The following RAP1GAP2 variants were observed in gnomAD, a reference collection of about 807,000 sequenced individuals.
The protein encoded by RAP1GAP2 is RAP1 GTPase activating protein 2.
RAP1GAP2 carries 27 observed loss-of-function variants against 95.0 expected under a neutral mutation model. The ratio of observed to expected loss-of-function variants is 0.28; its 90% CI spans 0.21 to 0.39. RAP1GAP2 has a LOEUF of 0.39. Among genes scored for constraint, RAP1GAP2 ranks in the 10% least tolerant of loss-of-function variants. The probability of loss-of-function intolerance (pLI) is 1.00; values close to 1 mark genes in which losing one functional copy is unlikely to be tolerated. For synonymous variants in RAP1GAP2, 373 were observed against 380.9 expected (o/e 0.98, Z 0.24); for missense variants, 771 against 970.0 (o/e 0.79, Z 2.72).
At chr17:2,911,260 A>ATTTTTTTTTTTTTT (rs34227127) in intron 3 of RAP1GAP2, among the ~76,000 whole-genome samples, 4,495 of 131,052 alleles carry the variant, frequency 0.034, 381 homozygotes, top group African/African-American at 0.13. Context: ...TTTGAAGGGG[A>ATTTTTTTTTTTTTT]TTTTTTTTTT....
chr17:2,793,790 C>T (rs918002416), upstream of RAP1GAP2, among the ~76,000 whole-genome samples: 3 of 152,186 alleles, frequency 2.0e-5, no homozygotes, highest in African/African-American at 7.2e-5. Context: ...TCCTGGAGCT[C>T]AGATGATGCC....
At chr17:2,863,646 G>A (rs1465903482) in intron 2 of RAP1GAP2, among the ~76,000 whole-genome samples, 1 of 152,202 alleles carries the variant, frequency 6.6e-6, no homozygotes, top group African/African-American at 2.4e-5. Flanking sequence ...GCACTGTGAT[G>A]ATACCTGTTG....
In RAP1GAP2 at chr17:2,920,587, C is replaced by T. The variant is rs1166407482; in HGVS notation, c.165+15219C>T. Among the ~76,000 whole-genome samples the T allele has an allele frequency of 2.0e-5, 3 of 152,216 alleles. No individual in the cohort carries two copies. The East Asian group carries it at 5.8e-4, about 29-fold the overall frequency. ...GTGCAGTTCAGTCATCTTCTGTGGA[C>T]CTCGGTTTCCTCATTTATAGAACGG... On this transcript the variant is annotated intron_variant, in intron 3 of 24. Transcript: ENST00000254695.
intron 4 of RAP1GAP2, among the ~76,000 whole-genome samples, chr17:2,959,997 C>A (rs886892583): frequency 6.6e-6 from 1 of 151,634 alleles, no homozygotes; most frequent in Non-Finnish European, 1.5e-5. Context: ...TGGTGGCACA[C>A]GCCTGTAATC....
chr17:2,994,984 T>C (rs1299523927), intron 12 of RAP1GAP2, among the ~76,000 whole-genome samples: 3 of 152,192 alleles, frequency 2.0e-5, no homozygotes, highest in Admixed American at 2.0e-4. Context: ...TGGCTAACTT[T>C]TGTATTTTTA....
chr17:2,791,735 G>A (rs1178314376), upstream of RAP1GAP2, among the ~76,000 whole-genome samples: 3 of 152,124 alleles, frequency 2.0e-5, no homozygotes, highest in East Asian at 3.9e-4. Context: ...TCTTGTGCCC[G>A]CAGCTCATCC....
At chr17:2,985,859 T>TA (rs2045541108) in intron 11 of RAP1GAP2, among the ~76,000 whole-genome samples, 1 of 152,220 alleles carries the variant, frequency 6.6e-6, no homozygotes, top group Non-Finnish European at 1.5e-5. Flanking sequence ...TTTCCATACT[T>TA]ACGGACACAA....
At chr17:2,864,867 C>T (rs1309262043) in intron 2 of RAP1GAP2, among the ~76,000 whole-genome samples, 7 of 152,268 alleles carry the variant, frequency 4.6e-5, no homozygotes, top group Middle Eastern at 3.4e-3. Context: ...TGGGAGGCTG[C>T]GCGTCGCAGT....
chr17:2,881,846 A>G (rs1436165267), intron 2 of RAP1GAP2, among the ~76,000 whole-genome samples: 1 of 151,896 alleles, frequency 6.6e-6, no homozygotes, highest in African/African-American at 2.4e-5. Flanking sequence ...TTTGAGACGG[A>G]GTCTCGCTAT....
Position 2,904,162 on chromosome 17 carries a change from C to T in RAP1GAP2, c.81-1122C>T, listed in dbSNP as rs577113491. Among the ~76,000 whole-genome samples the T allele has an allele frequency of 1.3e-5, 2 of 152,264 alleles. No homozygotes were observed. Among genetic ancestry groups the T allele is most frequent in the South Asian group, 4.1e-4 (2 of 4,822 alleles). ...CTCTTCGGCTTTTAATACGGTTCTCCCAGCCCCCTCGTCCCCTCCTGGGTA... is the reference window on the plus strand; with the variant it reads ...CTCTTCGGCTTTTAATACGGTTCTCTCAGCCCCCTCGTCCCCTCCTGGGTA... On this transcript the variant is annotated intron_variant, in intron 2 of 24. Transcript: ENST00000254695. This position sits in a 1 kb window ranked among gnomAD's most constrained non-coding sequence, Gnocchi z 4.7.
chr17:2,923,082 C>T (rs2042842831), intron 3 of RAP1GAP2, among the ~76,000 whole-genome samples: 1 of 149,606 alleles, frequency 6.7e-6, no homozygotes, highest in Non-Finnish European at 1.5e-5. Context: ...GCTCTGTTGC[C>T]AGGCTGGAGT....
Position 2,997,010 on chromosome 17 carries a change from C to A in RAP1GAP2, c.1045-1211C>A, listed in dbSNP as rs77940126. ...TGTGTGTGTGAGGAGGGCTGTCACTCTCTCACCCAGGCTGGAGTGCAGTGG... is the reference window on the plus strand; with the variant it reads ...TGTGTGTGTGAGGAGGGCTGTCACTATCTCACCCAGGCTGGAGTGCAGTGG... On this transcript the variant is annotated intron_variant, in intron 13 of 24. Coordinates refer to ENST00000254695, the MANE Select transcript of RAP1GAP2 (RefSeq NM_015085.5). 0.014 allele frequency among the ~76,000 whole-genome samples: 2,192 copies of A among 152,274 alleles called. 143 individuals are homozygous for A. The East Asian group carries it at 0.2, about 14-fold the overall frequency.
At chr17:3,032,495 G>A (rs537313083) in intron 24 of RAP1GAP2, 46 bp downstream of exon 24, 2 of 1,567,400 alleles carry the variant, frequency 1.3e-6, no homozygotes, top group Non-Finnish European at 1.8e-6. Flanking sequence ...GGGGACGTGT[G>A]TTTCTTTTAG....
chr17:2,901,378 C>G (rs138981655), intron 2 of RAP1GAP2, among the ~76,000 whole-genome samples: 199 of 152,298 alleles, frequency 1.3e-3, no homozygotes, highest in African/African-American at 4.7e-3. Context: ...TCCTCCTTTT[C>G]CCTTCTCTGC....
At chr17:2,876,091 C>T (rs1468059453) in intron 2 of RAP1GAP2, among the ~76,000 whole-genome samples, 109 of 151,906 alleles carry the variant, frequency 7.2e-4, no homozygotes, top group Non-Finnish European at 1.5e-3. Context: ...GCACCCGCCC[C>T]CACGCCCGGC....
At chr17:2,776,618 G>C (rs1174239908), upstream of RAP1GAP2, among the ~76,000 whole-genome samples, 4 of 151,784 alleles carry the variant, frequency 2.6e-5, no homozygotes, top group African/African-American at 9.7e-5. Context: ...GGCGCGCCCC[G>C]GGTGGCGGAG....
At chr17:2,818,895 G>A (rs1289617035) in intron 2 of RAP1GAP2, among the ~76,000 whole-genome samples, 1 of 152,134 alleles carries the variant, frequency 6.6e-6, no homozygotes, top group East Asian at 1.9e-4. Context: ...TGCAAGGGTT[G>A]TTTTGGAGAC....
intron 2 of RAP1GAP2, among the ~76,000 whole-genome samples, chr17:2,862,950 T>C (rs188582757): frequency 3.8e-4 from 55 of 146,214 alleles, no homozygotes; most frequent in African/African-American, 1.3e-3. Context: ...TGAGCCGAGA[T>C]TGCACCACTG....
rs1167379953 is a variant in RAP1GAP2 at position 2,902,852 on chromosome 17, G to A, written c.81-2432G>A. On this transcript the variant is annotated intron_variant, in intron 2 of 24. Transcript: ENST00000254695. The surrounding 1 kb of genome is among the most constrained non-coding windows in gnomAD (Gnocchi z 4.1). ...CAGCTCAGGGAGTGTTGGATGCTGC[G>A]CCCTTTTGACCGGGACTCAGGGCCT... Among the ~76,000 whole-genome samples the A allele has an allele frequency of 1.3e-5, 2 of 152,144 alleles. No homozygotes were observed. Among genetic ancestry groups the A allele is most frequent in the Non-Finnish European group, 2.9e-5 (2 of 68,038 alleles).
Sources: allele counts gnomAD v4.1 joint callset (sites outside exome capture counted in the v4.1 genomes callset), GRCh38; gene constraint gnomAD v4.1.1; non-coding constraint Gnocchi (gnomAD v3.1); transcripts MANE v1.5; gene names NCBI Gene and HGNC (gene_info 2026-07-23, HGNC 2026-07-21).